The following CMTM8 variants were observed in gnomAD, a reference collection of about 807,000 sequenced individuals.
CMTM8 encodes the protein CKLF-like MARVEL transmembrane domain-containing protein 8.
In CMTM8, 12 loss-of-function variants were observed where a neutral mutation model predicts 18.6. That is an observed-to-expected ratio of 0.65 (90% CI 0.41 to 1.05). CMTM8 has a LOEUF of 1.05. Among genes scored for constraint, CMTM8 ranks in the 50% least tolerant of loss-of-function variants. CMTM8 has a pLI of 0.00. For synonymous variants in CMTM8, 87 were observed against 90.6 expected (o/e 0.96, Z 0.23); for missense variants, 217 against 227.2 (o/e 0.95, Z 0.29).
rs199864890 is a variant in CMTM8, at chr3:32,317,125, CA to C, written c.148-40247del. Among the ~76,000 whole-genome samples, 1,192 of 152,258 alleles carry C rather than the reference CA, an allele frequency of 7.8e-3. 8 individuals are homozygous for C. Among genetic ancestry groups the C allele is most frequent in the Non-Finnish European group, 0.012 (803 of 68,016 alleles). ...CACTTGCAAGCTGTGGGACCTGGGACAGGGACTCATATCTGTGCTGCTTTCC... is the reference window on the plus strand; with the variant it reads ...CACTTGCAAGCTGTGGGACCTGGGACGGGACTCATATCTGTGCTGCTTTCC... On this transcript the variant is annotated intron_variant, in intron 1 of 3. Coordinates refer to ENST00000307526, the MANE Select transcript of CMTM8 (RefSeq NM_178868.5).
intron 1 of CMTM8, among the ~76,000 whole-genome samples, chr3:32,267,498 C>T (rs1281491843): frequency 3.3e-5 from 5 of 152,226 alleles, no homozygotes; most frequent in Admixed American, 1.3e-4. Flanking sequence ...CATAAAAACC[C>T]TAGAAGAAAA....
At chr3:32,292,312 G>A (rs1357607747) in intron 1 of CMTM8, among the ~76,000 whole-genome samples, 4 of 152,164 alleles carry the variant, frequency 2.6e-5, no homozygotes, top group East Asian at 1.9e-4. Context: ...AGCTCCTCTC[G>A]TATAGATGCC....
Position 32,369,808 on chromosome 3 carries a change from A to G in CMTM8, c.439-76A>G, listed in dbSNP as rs941969383. 3.4e-5 allele frequency: 30 copies of G among 887,206 alleles called. No individual in the cohort carries two copies. In the East Asian group the frequency reaches 6.5e-4, roughly 19 times the overall value. The allele number at this position is 887,206 out of a possible 1,614,324, so 55.0% of individuals were successfully genotyped here. A position where few individuals can be genotyped will look rare whatever the true frequency, so the allele number is the denominator to read the frequency against. ...GAAAAGGTAGTGAGTGGGTGATTCAATGGAGGTGAAATGATAACTTTTGCT... is the reference window on the plus strand; with the variant it reads ...GAAAAGGTAGTGAGTGGGTGATTCAGTGGAGGTGAAATGATAACTTTTGCT... On this transcript the variant is annotated intron_variant, in intron 3 of 3. Transcript: ENST00000307526.
At chr3:32,259,415 G>C in intron 1 of CMTM8, 1 of 875,388 alleles carries the variant, frequency 1.1e-6, no homozygotes, top group Non-Finnish European at 2.0e-6. Context: ...TGCCTGTCTT[G>C]CTGCTGATGA....
intron 1 of CMTM8, among the ~76,000 whole-genome samples, chr3:32,241,677 G>A (rs968144178): frequency 6.6e-6 from 1 of 152,172 alleles, no homozygotes; most frequent in Admixed American, 6.5e-5. Context: ...CTTAGGATGG[G>A]TTTATCAGGA....
chr3:32,286,049 G>A (rs1286462502), intron 1 of CMTM8, among the ~76,000 whole-genome samples: 1 of 152,104 alleles, frequency 6.6e-6, no homozygotes, highest in Non-Finnish European at 1.5e-5. Flanking sequence ...TAAAGCTCAG[G>A]GCCTTCTGCA....
At chr3:32,242,465 G>A (rs750020865) in intron 1 of CMTM8, among the ~76,000 whole-genome samples, 8 of 152,064 alleles carry the variant, frequency 5.3e-5, no homozygotes, top group Non-Finnish European at 8.8e-5. Context: ...TGTGACCACA[G>A]GCATGGGCCA....
chr3:32,347,105 A>G lies in CMTM8; in HGVS notation c.148-10268A>G, dbSNP rs1216239229. Reference sequence around the variant, plus strand: ...CAGCCATCCAAAGTGCTGGGATTCCAAGGTATGAGCCACTGTGCTCAGCCT... The same window carrying G: ...CAGCCATCCAAAGTGCTGGGATTCCGAGGTATGAGCCACTGTGCTCAGCCT... On this transcript the variant is annotated intron_variant, in intron 1 of 3. Coordinates refer to ENST00000307526, the MANE Select transcript of CMTM8 (RefSeq NM_178868.5). 2.0e-5 allele frequency among the ~76,000 whole-genome samples: 3 copies of G among 152,288 alleles called. No homozygotes were observed. The East Asian group carries it at 5.8e-4, about 29-fold the overall frequency.
chr3:32,347,888 CTG>C (rs907831712), intron 1 of CMTM8, among the ~76,000 whole-genome samples: 2 of 152,150 alleles, frequency 1.3e-5, no homozygotes, highest in Non-Finnish European at 2.9e-5. Context: ...CGTGGTTTGG[CTG>C]TCTTTCGAGT....
chr3:32,356,529 G>T lies in CMTM8; in HGVS notation c.148-844G>T, dbSNP rs910717806. On this transcript the variant is annotated intron_variant, in intron 1 of 3. Transcript: ENST00000307526. Reference sequence around the variant, plus strand: ...GCTTTGGGTATGGTCTTACTTGTCAGCAGTTGGATGACTATTGCTAGGGTA... The same window carrying T: ...GCTTTGGGTATGGTCTTACTTGTCATCAGTTGGATGACTATTGCTAGGGTA... 4.6e-5 allele frequency among the ~76,000 whole-genome samples: 7 copies of T among 152,356 alleles called. No homozygotes were observed. The East Asian group carries it at 1.3e-3, about 29-fold the overall frequency.
intron 1 of CMTM8, among the ~76,000 whole-genome samples, chr3:32,353,837 T>C (rs1260822862): frequency 6.7e-6 from 1 of 148,314 alleles, no homozygotes; most frequent in Non-Finnish European, 1.5e-5. Flanking sequence ...CAGGTTGGAG[T>C]GCAGTGGCAC....
At chr3:32,247,648 A>G (rs934438677) in intron 1 of CMTM8, among the ~76,000 whole-genome samples, 1 of 152,164 alleles carries the variant, frequency 6.6e-6, no homozygotes, top group South Asian at 2.1e-4. Flanking sequence ...TTTAGTAGAG[A>G]TGAGGTTTCA....
intron 1 of CMTM8, among the ~76,000 whole-genome samples, chr3:32,270,372 A>G (rs1330300974): frequency 6.6e-6 from 1 of 152,240 alleles, no homozygotes; most frequent in Non-Finnish European, 1.5e-5. Flanking sequence ...ATTACTGGGT[A>G]TATACCCAAA....
At chr3:32,330,221 G>A (rs1348952692) in intron 1 of CMTM8, among the ~76,000 whole-genome samples, 11 of 90,956 alleles carry the variant, frequency 1.2e-4, no homozygotes, top group South Asian at 3.2e-4. Flanking sequence ...TTTTTTTGCA[G>A]AAATAGAAAA....
chr3:32,312,016 T>A (rs563814923), intron 1 of CMTM8, among the ~76,000 whole-genome samples: 1 of 152,182 alleles, frequency 6.6e-6, no homozygotes, highest in African/African-American at 2.4e-5. Flanking sequence ...TTATAAAAAT[T>A]GTTTTCAAGA....
chr3:32,312,121 G>C (rs1391848133), intron 1 of CMTM8, among the ~76,000 whole-genome samples: 2 of 152,180 alleles, frequency 1.3e-5, no homozygotes, highest in Non-Finnish European at 2.9e-5. Context: ...GTATGGCATT[G>C]TTACGTTAAT....
chr3:32,322,024 A>G (rs1358052957), intron 1 of CMTM8, among the ~76,000 whole-genome samples: 2 of 152,218 alleles, frequency 1.3e-5, no homozygotes, highest in Admixed American at 6.5e-5. Context: ...TAAACCGTTC[A>G]TTATCTGGCC....
intron 1 of CMTM8, among the ~76,000 whole-genome samples, chr3:32,326,618 A>AT (rs1696163852): frequency 6.8e-6 from 1 of 147,358 alleles, no homozygotes; most frequent in Non-Finnish European, 1.5e-5. Context: ...CCAGGTTCAG[A>AT]TGATTCTCTT....
At chr3:32,336,392 C>T (rs1333402615) in intron 1 of CMTM8, among the ~76,000 whole-genome samples, 1 of 152,196 alleles carries the variant, frequency 6.6e-6, no homozygotes, top group Non-Finnish European at 1.5e-5. Flanking sequence ...GGGCTGTGGA[C>T]CTGAGGCAGT....
Sources: gnomAD v4.1 joint callset for allele counts (sites outside exome capture counted in the v4.1 genomes callset) on GRCh38, gnomAD v4.1.1 for gene constraint, MANE v1.5 for transcripts, NCBI Gene and HGNC (gene_info 2026-07-23, HGNC 2026-07-21) for gene names.